Variants in BTBD2 observed in about 807,000 individuals in gnomAD.
BTBD2 encodes BTB/POZ domain-containing protein 2.
BTBD2 carries 15 observed loss-of-function variants against 44.0 expected under a neutral mutation model. The ratio of observed to expected loss-of-function variants is 0.34; its 90% CI spans 0.23 to 0.53. BTBD2 has a LOEUF of 0.53. BTBD2 is among the 20% of genes least tolerant of loss of function. The pLI, the probability that BTBD2 is intolerant of heterozygous loss-of-function variation, is 0.95. For synonymous variants in BTBD2, 443 were observed against 335.9 expected (o/e 1.32, Z -3.49); for missense variants, 657 against 746.4 (o/e 0.88, Z 1.39).
At chr19:2,006,931 C>T (rs541328034) in intron 1 of BTBD2, among the ~76,000 whole-genome samples, 3 of 152,238 alleles carry the variant, frequency 2.0e-5, no homozygotes, top group African/African-American at 7.2e-5. Flanking sequence ...GATCTCGGCT[C>T]GCTGCAACCT....
In BTBD2 at chr19:1,993,129, G is replaced by A; in HGVS notation, c.575C>T (p.Thr192Ile). 1.9e-6 allele frequency: 3 copies of A among 1,607,514 alleles called. No homozygotes were observed. The highest frequency in any genetic ancestry group is 1.7e-4 in the Middle Eastern group (1 of 6,056). ...EVQIGPETVM[T>I]TLYTAKKYAV... ...GTACTTCTTGGCGGTGTATAGCGTG[G>A]TCATCACCGTCTCCGGGCCAATCTG... The change falls in exon 3 of 9, where the codon ACC becomes ATC. Residue 192 changes from threonine to isoleucine, a missense_variant. Around this residue, in one of 3 missense-constraint regions of BTBD2, gnomAD observed 449 missense variants for 510.9 expected, o/e 0.88. Coordinates refer to ENST00000255608, the MANE Select transcript of BTBD2 (RefSeq NM_017797.4).
chr19:2,002,029 C>T (rs1382504552), intron 1 of BTBD2, among the ~76,000 whole-genome samples: 2 of 152,100 alleles, frequency 1.3e-5, no homozygotes, highest in Non-Finnish European at 2.9e-5. Context: ...GTGTGAGCCC[C>T]CACGCCTGGA....
chr19:2,001,208 C>T (rs2016325819), intron 1 of BTBD2, among the ~76,000 whole-genome samples: 1 of 151,252 alleles, frequency 6.6e-6, no homozygotes. Flanking sequence ...CACTTAGAAC[C>T]CAGGAGGCAC....
rs139185377 is a variant in BTBD2 at position 1,994,130 on chromosome 19, G to A, written c.528-954C>T. The stretch of plus-strand genomic sequence containing the variant: ...CCAGGAGTTAGAGACTAGCCTGGCC[G>A]ACATGGCAAAATCCCCCTCTACTAA... On this transcript the variant is annotated intron_variant, in intron 2 of 8. Transcript: ENST00000255608. 5.1e-3 allele frequency among the ~76,000 whole-genome samples: 760 copies of A among 147,968 alleles called. 6 individuals are homozygous for A. The highest frequency in any genetic ancestry group is 0.018 in the African/African-American group (709 of 40,346).
chr19:2,007,483 C>T (rs1243103364), intron 1 of BTBD2, among the ~76,000 whole-genome samples: 1 of 152,152 alleles, frequency 6.6e-6, no homozygotes, highest in Non-Finnish European at 1.5e-5. Context: ...TTGTTTTACA[C>T]ACAGTCAAGG....
In BTBD2 at chr19:1,986,817, C is replaced by G. The variant is rs780761881; in HGVS notation, c.1416+13G>C. On this transcript the variant is annotated intron_variant, in intron 8 of 8. Transcript: ENST00000255608. ...AGACTCCCACGGAGGGACCCCTGTCCCCGGCGGCGCACCTTGAGCGTGGCA... is the reference window on the plus strand; with the variant it reads ...AGACTCCCACGGAGGGACCCCTGTCGCCGGCGGCGCACCTTGAGCGTGGCA... 1 of 1,596,738 alleles carries G rather than the reference C, an allele frequency of 6.3e-7. No individual in the cohort carries two copies. Among genetic ancestry groups the G allele is most frequent in the South Asian group, 1.1e-5 (1 of 89,616 alleles).
chr19:2,004,330 C>T (rs980366905), intron 1 of BTBD2, among the ~76,000 whole-genome samples: 3 of 149,546 alleles, frequency 2.0e-5, no homozygotes, highest in Non-Finnish European at 4.4e-5. Context: ...ACTAGTGTTG[C>T]CTAGGCTGGA....
chr19:2,009,806 C>T lies in BTBD2; in HGVS notation c.407+5491G>A, dbSNP rs548812578. On this transcript the variant is annotated intron_variant, in intron 1 of 8. Transcript: ENST00000255608. The stretch of plus-strand genomic sequence containing the variant: ...TGAAGGCTGCAGCATGCGGAGATCA[C>T]GCCACTGTACCCCAGCCTGGGCAAT... 3.7e-4 allele frequency among the ~76,000 whole-genome samples: 56 copies of T among 151,928 alleles called. No homozygotes were observed. The South Asian group carries it at 0.011, about 29-fold the overall frequency.
chr19:1,999,691 T>A (rs377054754), intron 1 of BTBD2, among the ~76,000 whole-genome samples: 2 of 148,694 alleles, frequency 1.3e-5, no homozygotes, highest in East Asian at 3.9e-4. Context: ...CCAGGTGCAG[T>A]GGCTCACGCC....
At chr19:1,989,956 G>T in intron 5 of BTBD2, 48 bp downstream of exon 5, 1 of 1,601,542 alleles carries the variant, frequency 6.2e-7, no homozygotes, top group Non-Finnish European at 8.5e-7. Flanking sequence ...ATGCCCACCT[G>T]TGTGCCACTC....
At position 1,986,370 on chromosome 19, in the gene BTBD2, C is replaced by T. The variant is rs908785219; in HGVS notation, c.*118G>A. 2 of 1,288,020 alleles carry T rather than the reference C, an allele frequency of 1.6e-6. No homozygotes were observed. Among genetic ancestry groups the T allele is most frequent in the African/African-American group, 1.5e-5 (1 of 68,702 alleles). 79.8% of individuals were successfully genotyped at this position (1,288,020 alleles called of 1,614,324 possible). ...GCTGAGAAAGGTGGCATGGAGTGGACAGACGGCCTGGGGGACACTGGGCCT... is the reference window on the plus strand; with the variant it reads ...GCTGAGAAAGGTGGCATGGAGTGGATAGACGGCCTGGGGGACACTGGGCCT... On this transcript the variant is annotated 3_prime_UTR_variant, in exon 9 of 9. Transcript: ENST00000255608.
At position 2,015,706 on chromosome 19, in the gene BTBD2, TGTG is replaced by T; in HGVS notation, c.-6_-4del. ...CCGCCGCTCCCACCCGCCGCCATTT[TGTG>T]GCTGCGGCGTGGGCGGGGGAGGGGA... On this transcript the variant is annotated 5_prime_UTR_variant, in exon 1 of 9. Transcript: ENST00000255608. 1.1e-6 allele frequency: 1 copy of T among 935,138 alleles called. No homozygotes were observed. The highest frequency in any genetic ancestry group is 1.2e-6 in the Non-Finnish European group (1 of 801,954). 57.9% of individuals were successfully genotyped at this position (935,138 alleles called of 1,614,324 possible).
At chr19:2,007,716 C>T (rs969493368) in intron 1 of BTBD2, among the ~76,000 whole-genome samples, 1 of 152,104 alleles carries the variant, frequency 6.6e-6, no homozygotes, top group African/African-American at 2.4e-5. Flanking sequence ...ATCCCAGCCA[C>T]TCGGGAGGCT....
chr19:2,000,732 A>C (rs1185371346), intron 1 of BTBD2, among the ~76,000 whole-genome samples: 2 of 152,066 alleles, frequency 1.3e-5, no homozygotes, highest in Non-Finnish European at 2.9e-5. Flanking sequence ...GCCACACAAA[A>C]ACACATCCAC....
At chr19:2,013,668 G>T (rs973287857) in intron 1 of BTBD2, 17 of 986,166 alleles carry the variant, frequency 1.7e-5, no homozygotes, top group Non-Finnish European at 1.9e-5. Flanking sequence ...GGCTGGAGGG[G>T]CTGTGGATGG....
intron 1 of BTBD2, among the ~76,000 whole-genome samples, chr19:2,009,823 C>T (rs966233412): frequency 2.6e-5 from 4 of 151,826 alleles, no homozygotes; most frequent in African/African-American, 7.3e-5. Context: ...GTACCCCAGC[C>T]TGGGCAATAG....
rs2016078804 is a variant in BTBD2, at chr19:1,986,251, C to T, written c.*237G>A. 5.3e-6 allele frequency: 3 copies of T among 565,818 alleles called. No individual in the cohort carries two copies. The highest frequency in any genetic ancestry group is 2.1e-5 in the South Asian group (1 of 47,830). The allele number at this position is 565,818 out of a possible 1,614,324, so 35.0% of individuals were successfully genotyped here. On this transcript the variant is annotated 3_prime_UTR_variant, in exon 9 of 9. Coordinates refer to ENST00000255608, the MANE Select transcript of BTBD2 (RefSeq NM_017797.4). ...CCTGTCCCTAGTCCTGAGGGATTGTCTCCACAGGGCCTGGCCACTGGCCTG... is the reference window on the plus strand; with the variant it reads ...CCTGTCCCTAGTCCTGAGGGATTGTTTCCACAGGGCCTGGCCACTGGCCTG...
In BTBD2 at chr19:1,986,357, G is replaced by T; in HGVS notation, c.*131C>A. Reference sequence around the variant, plus strand: ...ACCCCGTCCTGATGCTGAGAAAGGTGGCATGGAGTGGACAGACGGCCTGGG... The same window carrying T: ...ACCCCGTCCTGATGCTGAGAAAGGTTGCATGGAGTGGACAGACGGCCTGGG... On this transcript the variant is annotated 3_prime_UTR_variant, in exon 9 of 9. Transcript: ENST00000255608. 8.9e-7 allele frequency: 1 copy of T among 1,126,034 alleles called. No individual in the cohort carries two copies. The highest frequency in any genetic ancestry group is 1.3e-6 in the Non-Finnish European group (1 of 770,990). The allele number at this position is 1,126,034 out of a possible 1,614,324, so 69.8% of individuals were successfully genotyped here.
intron 1 of BTBD2, among the ~76,000 whole-genome samples, chr19:1,999,386 G>T (rs2016295688): frequency 6.6e-6 from 1 of 152,220 alleles, no homozygotes; most frequent in African/African-American, 2.4e-5. Context: ...GGAGAAACAG[G>T]CCGGGCACGG....
Sources: allele counts gnomAD v4.1 joint callset (sites outside exome capture counted in the v4.1 genomes callset), GRCh38; gene constraint gnomAD v4.1.1; regional missense constraint gnomAD v4.1.1; transcripts MANE v1.5; gene names NCBI Gene and HGNC (gene_info 2026-07-23, HGNC 2026-07-21).